The following MTARC1 variants were observed in gnomAD, a reference collection of about 807,000 sequenced individuals.
MTARC1 encodes the protein mitochondrial amidoxime-reducing component 1.
A neutral mutation model predicts 33.6 loss-of-function variants in MTARC1; 24 were observed. That is an observed-to-expected ratio of 0.72 (90% CI 0.52 to 1.01). The LOEUF is 1.01. MTARC1 is among the 50% of genes least tolerant of loss of function. The pLI is 0.00. For synonymous variants in MTARC1, 187 were observed against 189.5 expected, an observed-to-expected ratio of 0.99 and a Z score of 0.11; for missense variants, 417 against 445.7, an observed-to-expected ratio of 0.94 and a Z score of 0.58.
rs72470601 is a variant in MTARC1, at chr1:220,798,000, G to T, written c.739G>T (p.Asp247Tyr). 2.5e-6 allele frequency: 4 copies of T among 1,614,080 alleles called. No homozygotes were observed. In the African/African-American group the frequency reaches 4.0e-5, roughly 16 times the overall value. The stretch of plus-strand genomic sequence containing the variant: ...GCCCAATATTGTAATTTCAGGATGC[G>T]ATGTCTATGCAGAGGTAACACTATG... The part of the protein sequence containing the change: ...FRPNIVISGC[D>Y]VYAEDSWDEL... Residue 247 changes from aspartate (D) to tyrosine (Y), a missense_variant, in exon 4 of 7, where the codon GAT (aspartate) becomes TAT (tyrosine). Transcript: ENST00000366910.
intron 2 of MTARC1, chr1:220,794,098 A>G (rs999796552): frequency 2.0e-5 from 3 of 152,296 alleles, no homozygotes; most frequent in Admixed American, 6.5e-5. Context: ...ATTATTGCCA[A>G]TTGAAGCCCC....
At position 220,787,099 on chromosome 1, in the gene MTARC1, T is replaced by C; in HGVS notation, c.155T>C (p.Leu52Pro). The change falls in exon 1 of 7, where the codon CTG becomes CCG. Residue 52 changes from leucine (L) to proline (P), a missense_variant. Coordinates refer to ENST00000366910, the MANE Select transcript of MTARC1 (RefSeq NM_022746.4). Reference protein sequence around the residue: ...RAWPTRRRRLLQQVGTVAQLW... With the variant: ...RAWPTRRRRLPQQVGTVAQLW... ...TGGCCCACGCGGCGCCGGCGGCTGC[T>C]GCAGCAGGTGGGCACAGTGGCGCAG... The C allele has an allele frequency of 6.6e-7, 1 of 1,516,052 alleles. No homozygotes were observed. Among genetic ancestry groups the C allele is most frequent in the Non-Finnish European group, 8.8e-7 (1 of 1,135,762 alleles). The allele number at this position is 1,516,052 out of a possible 1,614,324, so 93.9% of individuals were successfully genotyped here.
In MTARC1 at chr1:220,798,688, C is replaced by T. The variant is rs147710175; in HGVS notation, c.753+674C>T. The T allele has an allele frequency of 1.7e-3, 1,286 of 762,342 alleles. 5 individuals carry two copies. Among genetic ancestry groups the T allele is most frequent in the African/African-American group, 0.013 (686 of 52,666 alleles). The allele number at this position is 762,342 out of a possible 1,614,324, so 47.2% of individuals were successfully genotyped here. A position where few individuals can be genotyped will look rare whatever the true frequency, so the allele number is the denominator to read the frequency against. ...GTGGCCTAGAGGCATGGTGAGTGGC[C>T]ACCAGCTGTGGATACTCAACAGAAA... On this transcript the variant is annotated intron_variant, in intron 4 of 6. Transcript: ENST00000366910.
At position 220,798,394 on chromosome 1, in the gene MTARC1, T is replaced by C. The variant is rs1672688545; in HGVS notation, c.753+380T>C. 9 of 1,175,706 alleles carry C rather than the reference T, an allele frequency of 7.7e-6. No individual in the cohort carries two copies. In the South Asian group the frequency reaches 1.4e-4, roughly 18 times the overall value. The allele number at this position is 1,175,706 out of a possible 1,614,324, so 72.8% of individuals were successfully genotyped here. On this transcript the variant is annotated intron_variant, in intron 4 of 6. Coordinates refer to ENST00000366910, the MANE Select transcript of MTARC1 (RefSeq NM_022746.4). ...GGTCTTACTGTTTAGTAGACGGCTC[T>C]CTTGGAGAAGACAGGCATTTACTGC...
intron 1 of MTARC1, among the ~76,000 whole-genome samples, chr1:220,788,408 C>G (rs1672309979): frequency 6.6e-6 from 1 of 152,178 alleles, no homozygotes; most frequent in Admixed American, 6.5e-5. Context: ...CTACCAGCTC[C>G]CCAGACAGAG....
At position 220,805,062 on chromosome 1, in the gene MTARC1, A is replaced by T. The variant is rs781273380; in HGVS notation, c.764A>T (p.Asp255Val). The T allele has an allele frequency of 6.2e-7, 1 of 1,614,106 alleles. No homozygotes were observed. The highest frequency in any genetic ancestry group is 1.1e-5 in the South Asian group (1 of 91,070). ...GCDVYAEDSW[D>V]ELLIGDVELK... is the part of the protein sequence containing the mutation. ...TGCTTTGTCCCCTAGGATTCTTGGGATGAGCTTCTTATTGGTGACGTGGAA... is the reference window on the plus strand; with the variant it reads ...TGCTTTGTCCCCTAGGATTCTTGGGTTGAGCTTCTTATTGGTGACGTGGAA... Residue 255 changes from aspartate to valine, a missense_variant, in exon 5 of 7, where the codon GAT becomes GTT. Coordinates refer to ENST00000366910, the MANE Select transcript of MTARC1 (RefSeq NM_022746.4).
At chr1:220,811,275 T>C (rs1673127196) in intron 6 of MTARC1, among the ~76,000 whole-genome samples, 1 of 152,220 alleles carries the variant, frequency 6.6e-6, no homozygotes, top group Admixed American at 6.5e-5. Flanking sequence ...AGAGAGGAAA[T>C]ACTCTTGGCA....
chr1:220,804,075 C>T (rs2642422), intron 4 of MTARC1, among the ~76,000 whole-genome samples: 35,789 of 152,148 alleles, frequency 0.24, 4,629 homozygotes, highest in Non-Finnish European at 0.3. Context: ...GTGGGCAATT[C>T]TCTCCGAGGG....
At position 220,814,947 on chromosome 1, in the gene MTARC1, G is replaced by A. The variant is rs527363671; in HGVS notation, c.*1529G>A. The A allele has an allele frequency of 1.3e-5, 2 of 152,324 alleles. No individual in the cohort carries two copies. Among genetic ancestry groups the A allele is most frequent in the African/African-American group, 2.4e-5 (1 of 41,574 alleles). The allele number at this position is 152,324 out of a possible 1,614,324, so 9.4% of individuals were successfully genotyped here. On this transcript the variant is annotated 3_prime_UTR_variant, in exon 7 of 7. Coordinates refer to ENST00000366910, the MANE Select transcript of MTARC1 (RefSeq NM_022746.4). ...TTTTTCACTTTGATTTTATAAAAGA[G>A]GTCAGTAATCGCTGAAATCTAGCTG...
rs7530493 is a variant in MTARC1, at chr1:220,816,358, G to A, written c.*2940G>A. The A allele has an allele frequency of 1.8e-4, 28 of 152,194 alleles. 1 individual carries two copies. The South Asian group carries it at 5.4e-3, about 29-fold the overall frequency. The allele number at this position is 152,194 out of a possible 1,614,324, so 9.4% of individuals were successfully genotyped here. A position where few individuals can be genotyped will look rare whatever the true frequency, so the allele number is the denominator to read the frequency against. Reference sequence around the variant, plus strand: ...AAAGTTCCTTGAAAATGACAGAGTGGCTCTCAGACCAGACCTTGATTGTGG... The same window carrying A: ...AAAGTTCCTTGAAAATGACAGAGTGACTCTCAGACCAGACCTTGATTGTGG... On this transcript the variant is annotated 3_prime_UTR_variant, in exon 7 of 7. Transcript: ENST00000366910.
At chr1:220,808,941 A>C in intron 6 of MTARC1, 1 of 470,946 alleles carries the variant, frequency 2.1e-6, no homozygotes, top group South Asian at 1.5e-5. Context: ...TTTTGCCCCT[A>C]ATGGAAAGAA....
At position 220,817,431 on chromosome 1, in the gene MTARC1, T is replaced by A. The variant is rs1489852850; in HGVS notation, c.*4013T>A. 1 of 152,342 alleles carries A rather than the reference T, an allele frequency of 6.6e-6. No individual in the cohort carries two copies. Among genetic ancestry groups the A allele is most frequent in the African/African-American group, 2.4e-5 (1 of 41,432 alleles). The allele number at this position is 152,342 out of a possible 1,614,324, so 9.4% of individuals were successfully genotyped here. A position where few individuals can be genotyped will look rare whatever the true frequency, so the allele number is the denominator to read the frequency against. Reference sequence around the variant, plus strand: ...AATGGGCTGCTGCTGCTGGCTGGGGTGGCCACCTTTTATTCCCTTATTTGT... The same window carrying A: ...AATGGGCTGCTGCTGCTGGCTGGGGAGGCCACCTTTTATTCCCTTATTTGT... On this transcript the variant is annotated 3_prime_UTR_variant, in exon 7 of 7. Coordinates refer to ENST00000366910, the MANE Select transcript of MTARC1 (RefSeq NM_022746.4).
At chr1:220,787,949 A>G (rs1672291957) in intron 1 of MTARC1, among the ~76,000 whole-genome samples, 1 of 152,154 alleles carries the variant, frequency 6.6e-6, no homozygotes, top group Non-Finnish European at 1.5e-5. Flanking sequence ...TGGAAGTTGC[A>G]GTGAGCCAGG....
chr1:220,814,975 C>T lies in MTARC1; in HGVS notation c.*1557C>T, dbSNP rs1307865987. ...CAGTAATCGCTGAAATCTAGCTGAG[C>T]CCTGAAGTAAAGTTCTGAGCAAAGA... is the stretch of plus-strand genomic sequence containing the variant. On this transcript the variant is annotated 3_prime_UTR_variant, in exon 7 of 7. Transcript: ENST00000366910. 6.6e-6 allele frequency: 1 copy of T among 152,178 alleles called. No individual in the cohort carries two copies. The highest frequency in any genetic ancestry group is 1.5e-5 in the Non-Finnish European group (1 of 68,038). 9.4% of individuals were successfully genotyped at this position (152,178 alleles called of 1,614,324 possible). A position where few individuals can be genotyped will look rare whatever the true frequency, so the allele number is the denominator to read the frequency against.
In MTARC1 at chr1:220,818,194, C is replaced by T. The variant is rs1230712735; in HGVS notation, c.*4776C>T. 1 of 152,224 alleles carries T rather than the reference C, an allele frequency of 6.6e-6. No homozygotes were observed. Among genetic ancestry groups the T allele is most frequent in the African/African-American group, 2.4e-5 (1 of 41,460 alleles). 9.4% of individuals were successfully genotyped at this position (152,224 alleles called of 1,614,324 possible). On this transcript the variant is annotated 3_prime_UTR_variant, in exon 7 of 7. Transcript: ENST00000366910. The stretch of plus-strand genomic sequence containing the variant: ...CATCCCTTGGTCTGCTCTGACCACA[C>T]TCTCTTCACAGGAAGAGGCTTGGGC...
intron 4 of MTARC1, chr1:220,799,257 G>T: frequency 3.5e-6 from 3 of 867,426 alleles, no homozygotes; most frequent in Non-Finnish European, 4.2e-6. Flanking sequence ...TCTAAAGATG[G>T]TGGAGAACTT....
intron 6 of MTARC1, among the ~76,000 whole-genome samples, chr1:220,806,466 C>T (rs1000241338): frequency 2.0e-5 from 3 of 152,174 alleles, no homozygotes; most frequent in Non-Finnish European, 4.4e-5. Context: ...CATGAACGAG[C>T]GCATGACAGA....
intron 4 of MTARC1, among the ~76,000 whole-genome samples, chr1:220,799,792 A>C (rs1672730227): frequency 6.6e-6 from 1 of 152,216 alleles, no homozygotes; most frequent in South Asian, 2.1e-4. Context: ...TGCTTCCGCA[A>C]GTGACCGTAC....
chr1:220,798,197 A>G, intron 4 of MTARC1, 183 bp downstream of exon 4: 1 of 1,532,852 alleles, frequency 6.5e-7, no homozygotes. Flanking sequence ...TGGAGGATAC[A>G]AATGTTGATG....
Sources: gnomAD v4.1 joint callset for allele counts (sites outside exome capture counted in the v4.1 genomes callset) on GRCh38, gnomAD v4.1.1 for gene constraint, MANE v1.5 for transcripts, NCBI Gene and HGNC (gene_info 2026-07-23, HGNC 2026-07-21) for gene names.